The following PARP4 variants were observed in gnomAD, a reference collection of about 807,000 sequenced individuals.
PARP4 encodes the protein protein mono-ADP-ribosyltransferase PARP4.
In PARP4, 120 loss-of-function variants were observed where a neutral mutation model predicts 187.7. The observed-to-expected ratio is 0.64, with a 90% CI of 0.55 to 0.74. The LOEUF (loss-of-function observed/expected upper bound fraction) is 0.74. PARP4 is among the 30% of genes least tolerant of loss of function. PARP4 has a pLI of 0.00. For missense variants in PARP4, 1,836 were observed against 2,070.5 expected (o/e 0.89, Z 2.20); for synonymous variants, 654 against 740.9 (o/e 0.88, Z 1.90).
intron 1 of PARP4, among the ~76,000 whole-genome samples, chr13:24,505,132 A>G (rs1310957853): frequency 6.7e-6 from 1 of 149,570 alleles, no homozygotes; most frequent in Non-Finnish European, 1.5e-5. Context: ...GGTGAGGGTT[A>G]AAGAAAGACA....
At chr13:24,476,819 T>C (rs9507355) in intron 14 of PARP4, among the ~76,000 whole-genome samples, 77,400 of 152,086 alleles carry the variant, frequency 0.51, 20,016 homozygotes, top group South Asian at 0.65. Context: ...CGCACTACTA[T>C]GGCTAACACA....
intron 21 of PARP4, 84 bp from the exon 22 acceptor site, chr13:24,455,296 T>TATAG (rs1871765420): frequency 3.2e-6 from 3 of 934,054 alleles, no homozygotes; most frequent in Non-Finnish European, 4.7e-6. Flanking sequence ...CAAAACTTTC[T>TATAG]AGTGAGGTAA....
At chr13:24,443,223 G>A (rs1871035978) in intron 28 of PARP4, among the ~76,000 whole-genome samples, 1 of 147,008 alleles carries the variant, frequency 6.8e-6, no homozygotes, top group Admixed American at 6.8e-5. Context: ...GAGCCCCTCT[G>A]CTGAGGCCCT....
rs1279114361 is a variant in PARP4 at position 24,490,841 on chromosome 13, A to C, written c.1054-13T>G. On this transcript the variant is annotated splice_polypyrimidine_tract_variant and intron_variant, in intron 9 of 33. Transcript: ENST00000381989. ...TGTCTCTTATTAGCTGTAGGTGGAA[A>C]TAATACACAGATGTCAGAATCACCA... The C allele has an allele frequency of 1.5e-5, 24 of 1,606,442 alleles. No homozygotes were observed. The highest frequency in any genetic ancestry group is 2.0e-5 in the Non-Finnish European group (24 of 1,174,672).
intron 17 of PARP4, among the ~76,000 whole-genome samples, chr13:24,465,964 T>C (rs1872443926): frequency 6.6e-6 from 1 of 152,216 alleles, no homozygotes; most frequent in African/African-American, 2.4e-5. Flanking sequence ...AGGCTGTATG[T>C]GGTAAGTTAC....
At chr13:24,490,390 C>A (rs955601830) in intron 10 of PARP4, among the ~76,000 whole-genome samples, 1 of 151,840 alleles carries the variant, frequency 6.6e-6, no homozygotes, top group African/African-American at 2.4e-5. Flanking sequence ...TAATAACCTA[C>A]AAAATACAAA....
rs1480524875 is a variant in PARP4, at chr13:24,458,983, CT to C, written c.2424+60del. On this transcript the variant is annotated intron_variant, in intron 20 of 33. Transcript: ENST00000381989. The stretch of plus-strand genomic sequence containing the variant: ...ACTTTTCAACCACGTGCATACATTG[CT>C]TTGATAAGATAAAAGTAGTGTTAAA... 22 of 1,199,200 alleles carry C rather than the reference CT, an allele frequency of 1.8e-5. No individual in the cohort carries two copies. In the African/African-American group the frequency reaches 3.2e-4, roughly 17 times the overall value. 74.3% of individuals were successfully genotyped at this position (1,199,200 alleles called of 1,614,324 possible).
chr13:24,432,023 G>A (rs779472621), intron 31 of PARP4, among the ~76,000 whole-genome samples: 2 of 152,098 alleles, frequency 1.3e-5, no homozygotes, highest in Non-Finnish European at 2.9e-5. Flanking sequence ...CACCATACCC[G>A]GCCGAGATTT....
At position 24,492,430 on chromosome 13, in the gene PARP4, G is replaced by A; in HGVS notation, c.1044C>T (p.Asp348=). 3.1e-6 allele frequency: 5 copies of A among 1,612,152 alleles called. No homozygotes were observed. In the Admixed American group the frequency reaches 8.4e-5, roughly 27 times the overall value. Residue 348 remains aspartate (D), a synonymous_variant, in exon 9 of 34, where the codon GAC becomes GAT. Transcript: ENST00000381989. ...VNLGLLAKKA[D]LCQLIRDMVN... ...TATTTCAGAGGTTTACCTGGCAGAGGTCTGCTTTCTTAGCCAATAGTCCCA... is the reference window on the plus strand; with the variant it reads ...TATTTCAGAGGTTTACCTGGCAGAGATCTGCTTTCTTAGCCAATAGTCCCA...
chr13:24,452,314 T>C (rs1014799261), intron 24 of PARP4, 92 bp downstream of exon 24: 4 of 988,924 alleles, frequency 4.0e-6, no homozygotes, highest in Non-Finnish European at 6.1e-6. Flanking sequence ...TGTATTCTAG[T>C]GTCAACTTCC....
chr13:24,482,409 T>A (rs953053457), intron 12 of PARP4, among the ~76,000 whole-genome samples: 1 of 152,194 alleles, frequency 6.6e-6, no homozygotes, highest in Non-Finnish European at 1.5e-5. Flanking sequence ...TCAAATAGCA[T>A]CTCATACTAC....
chr13:24,470,752 T>TA (rs1555236383), intron 15 of PARP4, among the ~76,000 whole-genome samples: 2,003 of 151,184 alleles, frequency 0.013, 46 homozygotes, highest in African/African-American at 0.045. Context: ...AATGAAAAAT[T>TA]AAAAAAAAAA....
chr13:24,502,245 A>G (rs2137545228), intron 2 of PARP4, among the ~76,000 whole-genome samples: 1 of 152,234 alleles, frequency 6.6e-6, no homozygotes, highest in Non-Finnish European at 1.5e-5. Context: ...GGGTCTTGCT[A>G]TGTTGACCAG....
chr13:24,458,399 G>C (rs373503746), intron 20 of PARP4, among the ~76,000 whole-genome samples: 120 of 150,854 alleles, frequency 8.0e-4, no homozygotes, highest in African/African-American at 2.8e-3. Flanking sequence ...ATGAGCCACC[G>C]CACTCAGCCA....
chr13:24,458,022 C>A (rs945170280), intron 20 of PARP4, among the ~76,000 whole-genome samples: 1 of 151,778 alleles, frequency 6.6e-6, no homozygotes, highest in Non-Finnish European at 1.5e-5. Flanking sequence ...GTCATTCTAG[C>A]ACTTCGGGAA....
chr13:24,467,049 C>G (rs4770690), intron 17 of PARP4, among the ~76,000 whole-genome samples: 1 of 151,926 alleles, frequency 6.6e-6, no homozygotes, highest in African/African-American at 2.4e-5. Flanking sequence ...TTCAACAGTA[C>G]GCTATCTAAG....
intron 10 of PARP4, among the ~76,000 whole-genome samples, chr13:24,490,303 G>A (rs763220836): frequency 6.6e-6 from 1 of 152,184 alleles, no homozygotes; most frequent in Non-Finnish European, 1.5e-5. Flanking sequence ...AGTTTTTCAT[G>A]CCACAGAGAG....
At chr13:24,439,280 T>C (rs1051240445) in intron 30 of PARP4, among the ~76,000 whole-genome samples, 3 of 150,472 alleles carry the variant, frequency 2.0e-5, no homozygotes, top group Admixed American at 2.0e-4. Flanking sequence ...TGAACTATGA[T>C]GGTGCCACTG....
At chr13:24,465,554 C>G (rs9551104) in intron 17 of PARP4, among the ~76,000 whole-genome samples, 16,957 of 152,092 alleles carry the variant, frequency 0.11, 1,182 homozygotes, top group East Asian at 0.27. Flanking sequence ...CTTACTTACA[C>G]GTGGGAGCTG....
Sources: gnomAD v4.1 joint callset for allele counts (sites outside exome capture counted in the v4.1 genomes callset) on GRCh38, gnomAD v4.1.1 for gene constraint, MANE v1.5 for transcripts, NCBI Gene and HGNC (gene_info 2026-07-23, HGNC 2026-07-21) for gene names.